MEGF10: variants seen among roughly 807,000 people sequenced by gnomAD.
MEGF10 encodes multiple EGF like domains 10, also known as multiple epidermal growth factor-like domains protein 10.
MEGF10 carries 86 observed loss-of-function variants against 147.5 expected under a neutral mutation model. The observed-to-expected ratio is 0.58, with a 90% CI of 0.49 to 0.70. MEGF10 has a LOEUF of 0.70. MEGF10 is among the 30% of genes least tolerant of loss of function. The probability of loss-of-function intolerance (pLI) is 0.00; values close to 1 mark genes in which losing one functional copy is unlikely to be tolerated. For missense variants in MEGF10, 1,329 were observed against 1,487.3 expected, an observed-to-expected ratio of 0.89 and a Z score of 1.75; for synonymous variants, 478 against 525.5, an observed-to-expected ratio of 0.91 and a Z score of 1.24.
Position 127,410,472 on chromosome 5 carries a change from A to C in MEGF10, c.1001A>C (p.His334Pro), listed in dbSNP as rs1561629028. 1.2e-6 allele frequency: 2 copies of C among 1,614,168 alleles called. No homozygotes were observed. The highest frequency in any genetic ancestry group is 1.6e-4 in the Middle Eastern group (1 of 6,062). Residue 334 changes from histidine to proline, a missense_variant, in exon 9 of 25, where the codon CAC becomes CCC. By Grantham distance (77) the His-to-Pro change is moderately conservative. This residue lies in a region of MEGF10 where 980 missense variants were observed against 1,085.9 expected (regional missense o/e 0.90). Transcript: ENST00000503335. ...TGTGTCAACGGAGGGAAGTGTTACC[A>C]CGTGAGCGGCGCATGCCTCTGTGAA... ...CQCVNGGKCY[H>P]VSGACLCEAG...
At chr5:127,450,949 G>T (rs1278774388) in intron 22 of MEGF10, among the ~76,000 whole-genome samples, 2 of 152,020 alleles carry the variant, frequency 1.3e-5, no homozygotes, top group African/African-American at 4.8e-5. Flanking sequence ...AGTAGAGACA[G>T]GGTTTCTCCA....
chr5:127,379,211 G>A (rs1382672130), intron 5 of MEGF10, among the ~76,000 whole-genome samples: 4 of 151,960 alleles, frequency 2.6e-5, no homozygotes, highest in Non-Finnish European at 4.4e-5. Flanking sequence ...CTCTAAACTG[G>A]TGATCGCGGT....
At chr5:127,359,580 C>T (rs753503166) in intron 4 of MEGF10, among the ~76,000 whole-genome samples, 3 of 152,114 alleles carry the variant, frequency 2.0e-5, no homozygotes, top group Admixed American at 6.5e-5. Context: ...CTTTCTGTCA[C>T]TCTAGATTGC....
At chr5:127,364,185 T>A (rs1421718972) in intron 4 of MEGF10, among the ~76,000 whole-genome samples, 1 of 152,218 alleles carries the variant, frequency 6.6e-6, no homozygotes, top group Non-Finnish European at 1.5e-5. Context: ...ATTTTTAGTA[T>A]ATTCACAAAG....
chr5:127,447,598 T>C lies in MEGF10; in HGVS notation c.2770T>C (p.Tyr924His). The change falls in exon 21 of 25, where the codon TAC becomes CAC. Residue 924 changes from tyrosine to histidine, a missense_variant. This residue lies in a region of MEGF10 where 343 missense variants were observed against 377.9 expected (regional missense o/e 0.91). Transcript: ENST00000503335. ...HSNGGNANSH[Y>H]FTNPSYHTLT... is the part of the protein sequence containing the mutation. ...CAATGGTGGAAACGCTAATAGCCACTACTTCACCAATCCCAGTTACCACAC... is the reference window on the plus strand; with the variant it reads ...CAATGGTGGAAACGCTAATAGCCACCACTTCACCAATCCCAGTTACCACAC... 6.2e-7 allele frequency: 1 copy of C among 1,614,142 alleles called. No homozygotes were observed. The highest frequency in any genetic ancestry group is 8.5e-7 in the Non-Finnish European group (1 of 1,179,996).
At chr5:127,386,557 T>A (rs1046824734) in intron 5 of MEGF10, among the ~76,000 whole-genome samples, 2 of 152,216 alleles carry the variant, frequency 1.3e-5, no homozygotes, top group Admixed American at 1.3e-4. Context: ...AAAGACTAAA[T>A]GTAAAGTAGT....
the MEGF10 span, among the ~76,000 whole-genome samples, chr5:127,254,563 G>C: frequency 6.6e-5 from 10 of 151,948 alleles, no homozygotes; most frequent in African/African-American, 2.2e-4. Context: ...TGTAATCCTA[G>C]CACTTTGGGA....
At chr5:127,258,216 G>A in the MEGF10 span, among the ~76,000 whole-genome samples, 1,414 of 152,266 alleles carry the variant, frequency 9.3e-3, 19 homozygotes, top group African/African-American at 0.031. Context: ...TGACTTTTAT[G>A]TTAGCATCAG....
At chr5:127,367,268 G>A (rs1201524526) in intron 4 of MEGF10, among the ~76,000 whole-genome samples, 2 of 152,152 alleles carry the variant, frequency 1.3e-5, no homozygotes, top group African/African-American at 4.8e-5. Context: ...GCAGTGAATT[G>A]AGACCTGTCC....
chr5:127,274,926 T>C, the MEGF10 span, among the ~76,000 whole-genome samples: 1 of 152,174 alleles, frequency 6.6e-6, no homozygotes, highest in Admixed American at 6.5e-5. Context: ...ATTTTTCTGG[T>C]CATGTGTTTT....
chr5:127,386,131 C>A (rs1296154548), intron 5 of MEGF10, among the ~76,000 whole-genome samples: 2 of 152,088 alleles, frequency 1.3e-5, no homozygotes, highest in Non-Finnish European at 2.9e-5. Flanking sequence ...ACAAAACAAA[C>A]AATAAAAAAC....
the MEGF10 span, among the ~76,000 whole-genome samples, chr5:127,254,730 G>A: frequency 7.9e-5 from 12 of 151,548 alleles, 1 homozygote; most frequent in Admixed American, 5.3e-4. Flanking sequence ...AGAATTGCTT[G>A]AACCCAGGAG....
chr5:127,271,338 G>C, the MEGF10 span, among the ~76,000 whole-genome samples: 1 of 151,830 alleles, frequency 6.6e-6, no homozygotes, highest in Admixed American at 6.6e-5. Context: ...AAATATGTTT[G>C]TTGGCCACAT....
intron 4 of MEGF10, among the ~76,000 whole-genome samples, chr5:127,348,461 A>G (rs1197126254): frequency 1.3e-5 from 2 of 152,154 alleles, no homozygotes; most frequent in Non-Finnish European, 2.9e-5. Context: ...CTACAAAGGC[A>G]ATGAATTTTT....
the MEGF10 span, among the ~76,000 whole-genome samples, chr5:127,270,902 A>G: frequency 6.6e-6 from 1 of 152,202 alleles, no homozygotes; most frequent in South Asian, 2.1e-4. Flanking sequence ...ACATGATCGC[A>G]TTTCTTTTCA....
At chr5:127,425,173 C>T (rs953413074) in intron 13 of MEGF10, among the ~76,000 whole-genome samples, 2 of 152,178 alleles carry the variant, frequency 1.3e-5, no homozygotes, top group Non-Finnish European at 2.9e-5. Flanking sequence ...TGAAGCCAGC[C>T]GGAAAATGTG....
At chr5:127,367,558 G>A (rs577517934) in intron 4 of MEGF10, among the ~76,000 whole-genome samples, 99 of 152,260 alleles carry the variant, frequency 6.5e-4, no homozygotes, top group Non-Finnish European at 1.2e-3. Flanking sequence ...AAACACAAAA[G>A]TCTGAAATTC....
At chr5:127,328,875 A>T (rs969641851) in intron 1 of MEGF10, among the ~76,000 whole-genome samples, 2 of 152,218 alleles carry the variant, frequency 1.3e-5, no homozygotes, top group African/African-American at 4.8e-5. Flanking sequence ...AATAATTGCC[A>T]TGCTCATTTG....
intron 2 of MEGF10, among the ~76,000 whole-genome samples, chr5:127,333,688 TA>T (rs1761359373): frequency 6.6e-6 from 1 of 152,178 alleles, no homozygotes; most frequent in Non-Finnish European, 1.5e-5. Context: ...TCCCACTGTC[TA>T]AAACACTGCC....
Sources: allele counts gnomAD v4.1 joint callset (sites outside exome capture counted in the v4.1 genomes callset), GRCh38; gene constraint gnomAD v4.1.1; regional missense constraint gnomAD v4.1.1; transcripts MANE v1.5; gene names NCBI Gene and HGNC (gene_info 2026-07-23, HGNC 2026-07-21).